SLCO6A1: variants seen among roughly 807,000 people sequenced by gnomAD.
SLCO6A1 encodes the protein cancer/testis antigen 48.
In SLCO6A1, 65 loss-of-function variants were observed where a neutral mutation model predicts 72.7. The observed-to-expected ratio is 0.89, with a 90% CI of 0.73 to 1.10. The LOEUF (loss-of-function observed/expected upper bound fraction) is 1.10. SLCO6A1 is among the 50% of genes least tolerant of loss of function. The pLI, the probability that SLCO6A1 is intolerant of heterozygous loss-of-function variation, is 0.00. For missense variants in SLCO6A1, 874 were observed against 872.6 expected, an observed-to-expected ratio of 1.00 and a Z score of -0.02; for synonymous variants, 314 against 298.2, an observed-to-expected ratio of 1.05 and a Z score of -0.55.
chr5:102,475,378 G>T (rs1321718558), intron 4 of SLCO6A1, among the ~76,000 whole-genome samples: 1 of 151,868 alleles, frequency 6.6e-6, no homozygotes, highest in East Asian at 1.9e-4. Flanking sequence ...GTTTTATAAG[G>T]TGTCTAAAAT....
At chr5:102,414,493 G>T (rs188253228) in intron 8 of SLCO6A1, among the ~76,000 whole-genome samples, 1 of 152,044 alleles carries the variant, frequency 6.6e-6, no homozygotes, top group African/African-American at 2.4e-5. Context: ...ACCTAAAGAT[G>T]CCAATAAAAA....
intron 10 of SLCO6A1, among the ~76,000 whole-genome samples, chr5:102,397,061 G>C (rs1747125444): frequency 6.6e-6 from 1 of 152,060 alleles, no homozygotes; most frequent in Non-Finnish European, 1.5e-5. Flanking sequence ...AGAGGATCTA[G>C]TTCTTTTCTT....
At chr5:102,403,074 T>A (rs903872335) in intron 9 of SLCO6A1, among the ~76,000 whole-genome samples, 2 of 152,200 alleles carry the variant, frequency 1.3e-5, no homozygotes, top group African/African-American at 2.4e-5. Context: ...AATGAGAATA[T>A]CATAAGTGTT....
At chr5:102,434,047 A>T (rs1441024940) in intron 7 of SLCO6A1, among the ~76,000 whole-genome samples, 1 of 151,778 alleles carries the variant, frequency 6.6e-6, no homozygotes, top group Non-Finnish European at 1.5e-5. Flanking sequence ...ATATATTGAA[A>T]TTTTTTTCCC....
intron 6 of SLCO6A1, among the ~76,000 whole-genome samples, chr5:102,455,112 A>G (rs1223182860): frequency 6.6e-6 from 1 of 150,650 alleles, no homozygotes; most frequent in Non-Finnish European, 1.5e-5. Context: ...GATTTGACAA[A>G]GAGTTTTTTT....
intron 4 of SLCO6A1, among the ~76,000 whole-genome samples, chr5:102,473,874 G>A (rs761215742): frequency 1.4e-4 from 22 of 151,726 alleles, no homozygotes; most frequent in South Asian, 2.1e-4. Context: ...AAAGACTTGC[G>A]CATTGCAAAC....
chr5:102,385,090 G>C (rs901213234), intron 12 of SLCO6A1, among the ~76,000 whole-genome samples: 2 of 152,076 alleles, frequency 1.3e-5, no homozygotes, highest in African/African-American at 4.8e-5. Flanking sequence ...CTCAGGTGTA[G>C]TATTCTTGGC....
chr5:102,416,010 G>A (rs746359406), intron 8 of SLCO6A1, among the ~76,000 whole-genome samples: 24 of 152,086 alleles, frequency 1.6e-4, no homozygotes, highest in Non-Finnish European at 2.9e-4. Flanking sequence ...AACGAAGTAT[G>A]ATGTTACCCT....
intron 4 of SLCO6A1, among the ~76,000 whole-genome samples, chr5:102,466,281 G>T (rs969480099): frequency 1.3e-5 from 2 of 151,854 alleles, no homozygotes; most frequent in African/African-American, 4.8e-5. Flanking sequence ...ACGGTATTTG[G>T]TTTTCTATTC....
In SLCO6A1 at chr5:102,388,673, A is replaced by G. The variant is rs555730603; in HGVS notation, c.2017+15T>C. ...TAATTTTATTTCTCTAAGTTTTTTA[A>G]TAAGTATCACTTACATATTCCTACC... On this transcript the variant is annotated intron_variant, in intron 12 of 13. Coordinates refer to ENST00000506729, the MANE Select transcript of SLCO6A1 (RefSeq NM_173488.5). 1.1e-5 allele frequency: 16 copies of G among 1,497,678 alleles called. No individual in the cohort carries two copies. In the African/African-American group the frequency reaches 2.3e-4, roughly 21 times the overall value. The allele number at this position is 1,497,678 out of a possible 1,614,324, so 92.8% of individuals were successfully genotyped here.
chr5:102,426,292 T>C (rs937820794), intron 7 of SLCO6A1, among the ~76,000 whole-genome samples: 1 of 152,054 alleles, frequency 6.6e-6, no homozygotes, highest in Non-Finnish European at 1.5e-5. Context: ...ACTAAAGAGC[T>C]TCTGCACAGC....
chr5:102,419,795 G>A (rs905990216), intron 8 of SLCO6A1, 31 bp downstream of exon 8: 1 of 1,522,728 alleles, frequency 6.6e-7, no homozygotes, highest in Non-Finnish European at 8.8e-7. Context: ...GGATTTTGAT[G>A]TAAAAGTCTA....
At position 102,462,730 on chromosome 5, in the gene SLCO6A1, T is replaced by C. The variant is rs532607293; in HGVS notation, c.900-2953A>G. ...TCCTCATTGTCCATTTATACAAAAA[T>C]CAACTCAAGTCTTACCTTATTGTCT... On this transcript the variant is annotated intron_variant, in intron 4 of 13. Coordinates refer to ENST00000506729, the MANE Select transcript of SLCO6A1 (RefSeq NM_173488.5). Among the ~76,000 whole-genome samples the C allele has an allele frequency of 1.4e-4, 22 of 152,176 alleles. No homozygotes were observed. In the South Asian group the frequency reaches 4.1e-3, roughly 29 times the overall value.
intron 12 of SLCO6A1, among the ~76,000 whole-genome samples, chr5:102,377,625 ATTGT>A (rs904760735): frequency 2.0e-5 from 3 of 151,552 alleles, no homozygotes; most frequent in Admixed American, 6.6e-5. Flanking sequence ...TAAAAAGAGT[ATTGT>A]TTGATATATA....
At chr5:102,479,274 T>G (rs1366123274) in intron 2 of SLCO6A1, among the ~76,000 whole-genome samples, 1 of 152,188 alleles carries the variant, frequency 6.6e-6, no homozygotes, top group Non-Finnish European at 1.5e-5. Context: ...TTGCTTCCCC[T>G]TCAACTTCCA....
At chr5:102,410,372 A>G (rs1016387845) in intron 9 of SLCO6A1, among the ~76,000 whole-genome samples, 2 of 152,094 alleles carry the variant, frequency 1.3e-5, no homozygotes, top group African/African-American at 4.8e-5. Context: ...TATGGACCTC[A>G]GAGGGGAGGT....
intron 6 of SLCO6A1, among the ~76,000 whole-genome samples, chr5:102,451,340 T>G (rs1750406794): frequency 6.6e-6 from 1 of 152,182 alleles, no homozygotes; most frequent in Non-Finnish European, 1.5e-5. Flanking sequence ...GAACTTTGTC[T>G]GGCAAGGTGT....
intron 6 of SLCO6A1, among the ~76,000 whole-genome samples, chr5:102,457,503 G>T (rs1380708211): frequency 1.3e-5 from 2 of 152,110 alleles, no homozygotes; most frequent in Non-Finnish European, 2.9e-5. Context: ...ATGAAAAAAT[G>T]CTCATCATCA....
At chr5:102,388,906 A>G (rs949349914) in intron 11 of SLCO6A1, 81 bp from the exon 12 acceptor site, 8 of 1,234,326 alleles carry the variant, frequency 6.5e-6, no homozygotes, top group Non-Finnish European at 7.8e-6. Flanking sequence ...GATAATATAT[A>G]TGAATGACGA....
Sources: allele counts gnomAD v4.1 joint callset (sites outside exome capture counted in the v4.1 genomes callset), GRCh38; gene constraint gnomAD v4.1.1; transcripts MANE v1.5; gene names NCBI Gene and HGNC (gene_info 2026-07-23, HGNC 2026-07-21).